The following PRIM2 variants were observed in gnomAD, a reference collection of about 807,000 sequenced individuals.
PRIM2 encodes the protein DNA primase large subunit.
Under a neutral mutation model 67.3 loss-of-function variants are expected in PRIM2, and 39 were observed. The ratio of observed to expected loss-of-function variants is 0.58; its 90% CI spans 0.45 to 0.76. The LOEUF is 0.76. Ranked by LOEUF, PRIM2 falls within the 30% of genes least tolerant of loss-of-function variation. The probability of loss-of-function intolerance (pLI) is 0.00; values close to 1 mark genes in which losing one functional copy is unlikely to be tolerated. For missense variants in PRIM2, 398 were observed against 598.7 expected, an observed-to-expected ratio of 0.66 and a Z score of 3.50; for synonymous variants, 143 against 198.7, an observed-to-expected ratio of 0.72 and a Z score of 2.36.
intron 5 of PRIM2, among the ~76,000 whole-genome samples, chr6:57,368,337 G>A (rs1385878618): frequency 1.3e-5 from 2 of 151,940 alleles, no homozygotes; most frequent in Admixed American, 6.6e-5. Context: ...GTGGCACCAG[G>A]AATCTGTAAT....
At chr6:57,232,167 C>T in the PRIM2 span, among the ~76,000 whole-genome samples, 22 of 152,108 alleles carry the variant, frequency 1.4e-4, no homozygotes, top group Non-Finnish European at 8.8e-5. Context: ...ACAAGCGTTC[C>T]GTTGTTGTAT....
Position 57,542,939 on chromosome 6 carries a change from A to ATTTTTTTTTTTTTTTTTTTTTTTTTTTTT in PRIM2, c.1020+5333_1020+5334insTTTTTTTTTTTTTTTTTTTTTTTTTTTTT, listed in dbSNP as rs1193756482. ...GTTGGCTTAAAATACTGCTTATAGGATTTTTTTTTTTTTTTTTTTGAGACG... is the reference window on the plus strand; with the variant it reads ...GTTGGCTTAAAATACTGCTTATAGGATTTTTTTTTTTTTTTTTTTTTTTTTTTTTTTTTTTTTTTTTTTTTTTTGAGACG... On this transcript the variant is annotated intron_variant, in intron 10 of 13. Transcript: ENST00000615550. 3.2e-4 allele frequency among the ~76,000 whole-genome samples: 23 copies of ATTTTTTTTTTTTTTTTTTTTTTTTTTTTT among 71,898 alleles called. 4 individuals are homozygous for ATTTTTTTTTTTTTTTTTTTTTTTTTTTTT. The highest frequency in any genetic ancestry group is 4.1e-4 in the Non-Finnish European group (16 of 38,822). The allele number at this position is 71,898 out of a possible 152,430, so 47.2% of individuals were successfully genotyped here.
intron 11 of PRIM2, among the ~76,000 whole-genome samples, chr6:57,605,104 C>T (rs1188516079): frequency 6.6e-6 from 1 of 152,238 alleles, no homozygotes; most frequent in Non-Finnish European, 1.5e-5. Context: ...GTCAGACTTG[C>T]ATCCCAGAAA....
chr6:57,424,796 CAA>C (rs1227756636), intron 7 of PRIM2, among the ~76,000 whole-genome samples: 1 of 152,110 alleles, frequency 6.6e-6, no homozygotes. Flanking sequence ...TTTTGATCAG[CAA>C]AGTCATTGCA....
At chr6:57,545,673 A>T (rs1775275307) in intron 10 of PRIM2, among the ~76,000 whole-genome samples, 2 of 152,146 alleles carry the variant, frequency 1.3e-5, no homozygotes, top group Admixed American at 6.5e-5. Flanking sequence ...ACCTCAGGTG[A>T]TCTACCCACC....
chr6:57,237,974 A>G, the PRIM2 span, among the ~76,000 whole-genome samples: 1 of 152,214 alleles, frequency 6.6e-6, no homozygotes, highest in African/African-American at 2.4e-5. Context: ...GAAGGCCATT[A>G]CATAATGGTA....
At position 57,343,198 on chromosome 6, in the gene PRIM2, A is replaced by G. The variant is rs542863956; in HGVS notation, c.459+17153A>G. On this transcript the variant is annotated intron_variant, in intron 5 of 13. Transcript: ENST00000615550. ...CTGCAAGTTGGCCTTAAATAGTCAT[A>G]GTTTTTTGATCATTTTGGCCCTTAC... is the stretch of plus-strand genomic sequence containing the variant. 2.0e-5 allele frequency among the ~76,000 whole-genome samples: 3 copies of G among 152,224 alleles called. No individual in the cohort carries two copies. The South Asian group carries it at 6.2e-4, about 32-fold the overall frequency.
chr6:57,486,645 G>A (rs1773759654), intron 7 of PRIM2, among the ~76,000 whole-genome samples: 1 of 152,206 alleles, frequency 6.6e-6, no homozygotes, highest in South Asian at 2.1e-4. Context: ...TATATGGCAT[G>A]TTCAACTCCC....
the PRIM2 span, among the ~76,000 whole-genome samples, chr6:57,248,561 C>G: frequency 6.6e-6 from 1 of 152,274 alleles, no homozygotes; most frequent in South Asian, 2.1e-4. Context: ...ACAGAATTTT[C>G]TGGGGTTTAA....
chr6:57,304,283 G>A, the PRIM2 span, among the ~76,000 whole-genome samples: 1 of 152,088 alleles, frequency 6.6e-6, no homozygotes, highest in African/African-American at 2.4e-5. Context: ...GAATCAATTG[G>A]TTGCAGAAAT....
At chr6:57,280,678 CTT>C in the PRIM2 span, among the ~76,000 whole-genome samples, 22 of 151,976 alleles carry the variant, frequency 1.4e-4, no homozygotes, top group Admixed American at 3.9e-4. Flanking sequence ...CCTGGCTAAT[CTT>C]TGTAGTTTTA....
chr6:57,285,873 A>C, the PRIM2 span, among the ~76,000 whole-genome samples: 1 of 152,218 alleles, frequency 6.6e-6, no homozygotes, highest in Non-Finnish European at 1.5e-5. Flanking sequence ...GTCTCAGCCC[A>C]AAAACTCCTT....
chr6:57,480,429 T>G (rs1393465035), intron 7 of PRIM2, among the ~76,000 whole-genome samples: 3 of 152,124 alleles, frequency 2.0e-5, no homozygotes, highest in Admixed American at 2.0e-4. Context: ...AGGAAATTAA[T>G]GTTAGTACAC....
At chr6:57,255,118 A>G in the PRIM2 span, among the ~76,000 whole-genome samples, 2 of 152,022 alleles carry the variant, frequency 1.3e-5, no homozygotes, top group Non-Finnish European at 2.9e-5. Flanking sequence ...GGTCACCTCA[A>G]TTCCTTTATT....
At chr6:57,505,786 T>G (rs1774238404) in intron 7 of PRIM2, among the ~76,000 whole-genome samples, 3 of 152,176 alleles carry the variant, frequency 2.0e-5, no homozygotes, top group African/African-American at 7.2e-5. Context: ...GTCTAGAATA[T>G]TTTGCTGTTA....
intron 5 of PRIM2, among the ~76,000 whole-genome samples, chr6:57,373,564 G>T (rs984506584): frequency 6.6e-6 from 1 of 151,942 alleles, no homozygotes. Flanking sequence ...CAATTCTGGG[G>T]TTTTCATAGT....
chr6:57,572,662 T>C (rs2127481996), intron 10 of PRIM2, among the ~76,000 whole-genome samples: 1 of 152,284 alleles, frequency 6.6e-6, no homozygotes, highest in African/African-American at 2.4e-5. Flanking sequence ...GGCAGAGAGA[T>C]TTAAGGGAAT....
the PRIM2 span, among the ~76,000 whole-genome samples, chr6:57,253,976 G>T: frequency 6.6e-6 from 1 of 152,198 alleles, no homozygotes; most frequent in Non-Finnish European, 1.5e-5. Context: ...ATGATGATGG[G>T]TAGGTGGTGA....
chr6:57,519,676 A>G (rs1387916061), intron 8 of PRIM2, among the ~76,000 whole-genome samples: 2 of 152,210 alleles, frequency 1.3e-5, no homozygotes, highest in African/African-American at 2.4e-5. Flanking sequence ...TGCAATTATT[A>G]CAGGGTCCTG....
Sources: gnomAD v4.1 joint callset for allele counts (sites outside exome capture counted in the v4.1 genomes callset) on GRCh38, gnomAD v4.1.1 for gene constraint, MANE v1.5 for transcripts, NCBI Gene and HGNC (gene_info 2026-07-23, HGNC 2026-07-21) for gene names.